Variants in ETS1 observed in about 807,000 individuals in gnomAD.
ETS1 encodes the protein ETS proto-oncogene 1, transcription factor, also known as protein C-ets-1.
A neutral mutation model predicts 58.6 loss-of-function variants in ETS1; 15 were observed. That is an observed-to-expected ratio of 0.26 (90% CI 0.17 to 0.39). The LOEUF is 0.39. ETS1 is among the 10% of genes least tolerant of loss of function. The pLI is 1.00. For missense variants in ETS1, 417 were observed against 610.5 expected (o/e 0.68, Z 3.34); for synonymous variants, 214 against 218.2 (o/e 0.98, Z 0.17).
At chr11:128,547,339 C>T (rs558107354) in intron 3 of ETS1, among the ~76,000 whole-genome samples, 2 of 152,264 alleles carry the variant, frequency 1.3e-5, no homozygotes, top group South Asian at 4.1e-4. Flanking sequence ...AGCTACAGAT[C>T]CTTAGAAAAA....
chr11:128,579,659 G>GAA (rs201475278), intron 1 of ETS1, among the ~76,000 whole-genome samples: 11 of 62,342 alleles, frequency 1.8e-4, no homozygotes, highest in East Asian at 8.5e-4. Flanking sequence ...AAACTCCATT[G>GAA]AAAAAAAAAA....
intron 2 of ETS1, among the ~76,000 whole-genome samples, chr11:128,562,079 C>G (rs993974995): frequency 1.3e-5 from 2 of 152,180 alleles, no homozygotes; most frequent in African/African-American, 4.8e-5. Context: ...CTTTAAGCAC[C>G]AGGGGTGGTG....
At position 128,484,951 on chromosome 11, in the gene ETS1, T is replaced by C. The variant is rs1288986712; in HGVS notation, c.734A>G (p.Tyr245Cys). 2 of 1,614,124 alleles carry C rather than the reference T, an allele frequency of 1.2e-6. No homozygotes were observed. The highest frequency in any genetic ancestry group is 1.7e-6 in the Non-Finnish European group (2 of 1,180,004). The change falls in exon 7 of 10, where the codon TAT (tyrosine) becomes TGT (cysteine). Residue 245 changes from tyrosine to cysteine, a missense_variant. Tyr to Cys is a radical substitution (Grantham distance 194, BLOSUM62 -2). Transcript: ENST00000392668. ...ISSEELLSLK[Y>C]ENDYPSVILR... ...AATGACCGAGGGGTAGTCATTCTCA[T>C]ACTTGAGGGAGAGGAGCTCTTCCGA...
At chr11:128,531,630 A>T (rs1022711729) in intron 3 of ETS1, among the ~76,000 whole-genome samples, 1 of 152,184 alleles carries the variant, frequency 6.6e-6, no homozygotes, top group African/African-American at 2.4e-5. Context: ...CACTATATAG[A>T]TGTGAGATAC....
chr11:128,573,426 C>T (rs973829950), intron 1 of ETS1, among the ~76,000 whole-genome samples: 6 of 152,318 alleles, frequency 3.9e-5, no homozygotes, highest in Admixed American at 1.3e-4. Flanking sequence ...AACCAGTGCA[C>T]AAGAGGCACA....
intron 3 of ETS1, among the ~76,000 whole-genome samples, chr11:128,491,942 G>A (rs185725029): frequency 6.6e-6 from 1 of 152,320 alleles, no homozygotes; most frequent in East Asian, 1.9e-4. Flanking sequence ...TGTATTTGCA[G>A]ACCATGTTCA....
chr11:128,558,065 C>G (rs577614219), intron 2 of ETS1, among the ~76,000 whole-genome samples: 6 of 152,238 alleles, frequency 3.9e-5, no homozygotes, highest in East Asian at 1.9e-4. Context: ...GATATTGGAC[C>G]TGGTGTTCTA....
chr11:128,573,853 C>T (rs1171341898), intron 1 of ETS1, among the ~76,000 whole-genome samples: 8 of 152,170 alleles, frequency 5.3e-5, no homozygotes, highest in Non-Finnish European at 1.2e-4. Flanking sequence ...TTCGAAAGTT[C>T]ATTACACACT....
At chr11:128,580,432 C>T (rs1276430883) in intron 1 of ETS1, among the ~76,000 whole-genome samples, 1 of 152,148 alleles carries the variant, frequency 6.6e-6, no homozygotes, top group African/African-American at 2.4e-5. Flanking sequence ...GCTCCCAAAT[C>T]CAATTCTCTA....
At chr11:128,533,313 T>C (rs6590334) in intron 3 of ETS1, among the ~76,000 whole-genome samples, 91,971 of 152,084 alleles carry the variant, frequency 0.6, 28,534 homozygotes, top group East Asian at 0.82. Context: ...GAAGGACTTT[T>C]CTGAAAGTCA....
At chr11:128,469,441 C>CTAGA (rs1474367906) in intron 8 of ETS1, among the ~76,000 whole-genome samples, 2 of 152,208 alleles carry the variant, frequency 1.3e-5, no homozygotes, top group African/African-American at 4.8e-5. Context: ...AATGACCCAT[C>CTAGA]TGTTCACAAG....
At chr11:128,558,402 C>T (rs370993701) in intron 2 of ETS1, among the ~76,000 whole-genome samples, 10 of 152,202 alleles carry the variant, frequency 6.6e-5, no homozygotes, top group East Asian at 5.8e-4. Context: ...CCCAGCACTT[C>T]GGGAGGCCGA....
Position 128,461,105 on chromosome 11 carries a change from A to G in ETS1, c.*1256T>C, listed in dbSNP as rs1861894427. 6.5e-6 allele frequency: 1 copy of G among 152,718 alleles called. No homozygotes were observed. Among genetic ancestry groups the G allele is most frequent in the African/African-American group, 2.4e-5 (1 of 41,448 alleles). 9.5% of individuals were successfully genotyped at this position (152,718 alleles called of 1,614,324 possible). ...TCTCAAGTTACTTTTTCACTCACCA[A>G]TCAGAAAGCCGTACACTTCTCTCTA... On this transcript the variant is annotated 3_prime_UTR_variant, in exon 10 of 10. Transcript: ENST00000392668.
intron 3 of ETS1, among the ~76,000 whole-genome samples, chr11:128,538,745 CAT>C (rs1491064906): frequency 3.0e-5 from 4 of 134,594 alleles, no homozygotes; most frequent in African/African-American, 1.5e-4. Flanking sequence ...CACACACACA[CAT>C]ACACACATAC....
intron 2 of ETS1, among the ~76,000 whole-genome samples, chr11:128,559,089 A>C (rs1272858402): frequency 6.6e-6 from 1 of 152,194 alleles, no homozygotes; most frequent in Non-Finnish European, 1.5e-5. Flanking sequence ...GATCCTCGTA[A>C]AGTGGTAGTA....
At chr11:128,535,179 T>C (rs1403111123) in intron 3 of ETS1, among the ~76,000 whole-genome samples, 1 of 152,230 alleles carries the variant, frequency 6.6e-6, no homozygotes, top group Non-Finnish European at 1.5e-5. Flanking sequence ...TAATGATCAG[T>C]GATGTTGAGC....
intron 3 of ETS1, among the ~76,000 whole-genome samples, chr11:128,503,476 C>T (rs1290713430): frequency 6.6e-6 from 1 of 152,132 alleles, no homozygotes; most frequent in Non-Finnish European, 1.5e-5. Flanking sequence ...ACTACCAGGA[C>T]AACAGATAAT....
intron 1 of ETS1, among the ~76,000 whole-genome samples, chr11:128,578,952 G>A (rs889521128): frequency 3.3e-5 from 5 of 152,042 alleles, no homozygotes; most frequent in African/African-American, 1.2e-4. Flanking sequence ...CCCACTAAAT[G>A]CCGAAAAAGA....
At chr11:128,481,393 T>C (rs536453942) in intron 7 of ETS1, among the ~76,000 whole-genome samples, 3 of 148,904 alleles carry the variant, frequency 2.0e-5, no homozygotes, top group Non-Finnish European at 3.0e-5. Context: ...GAAATTTCCA[T>C]TGGCAAAAAT....
Sources: gnomAD v4.1 joint callset for allele counts (sites outside exome capture counted in the v4.1 genomes callset) on GRCh38, gnomAD v4.1.1 for gene constraint, MANE v1.5 for transcripts, NCBI Gene and HGNC (gene_info 2026-07-23, HGNC 2026-07-21) for gene names.